TMTC2: variants seen among roughly 807,000 people sequenced by gnomAD.
The protein encoded by TMTC2 is protein O-mannosyl-transferase TMTC2.
In TMTC2, 43 loss-of-function variants were observed where a neutral mutation model predicts 82.4. The ratio of observed to expected loss-of-function variants is 0.52; its 90% CI spans 0.41 to 0.67. The LOEUF (loss-of-function observed/expected upper bound fraction) is 0.67. Ranked by LOEUF, TMTC2 falls within the 30% of genes least tolerant of loss-of-function variation. TMTC2 has a pLI of 0.00. For synonymous variants in TMTC2, 408 were observed against 381.9 expected, an observed-to-expected ratio of 1.07 and a Z score of -0.80; for missense variants, 919 against 1,012.4, an observed-to-expected ratio of 0.91 and a Z score of 1.25.
chr12:83,071,386 T>A (rs1883109378), intron 11 of TMTC2, among the ~76,000 whole-genome samples: 2 of 152,130 alleles, frequency 1.3e-5, no homozygotes, highest in African/African-American at 4.8e-5. Flanking sequence ...CTCAATCTCC[T>A]GACCTCGTGA....
At chr12:82,848,651 A>C (rs1173437595) in intron 1 of TMTC2, among the ~76,000 whole-genome samples, 1 of 152,162 alleles carries the variant, frequency 6.6e-6, no homozygotes, top group African/African-American at 2.4e-5. Flanking sequence ...AATGATTTTC[A>C]ATAGAGACAG....
chr12:83,072,941 T>C (rs1883167532), intron 11 of TMTC2, among the ~76,000 whole-genome samples: 1 of 152,184 alleles, frequency 6.6e-6, no homozygotes, highest in African/African-American at 2.4e-5. Context: ...TTCTTATCCA[T>C]TCTGTGGTTC....
intron 11 of TMTC2, among the ~76,000 whole-genome samples, chr12:83,128,562 G>A (rs915849474): frequency 3.9e-5 from 6 of 152,128 alleles, no homozygotes; most frequent in African/African-American, 1.4e-4. Flanking sequence ...CACAGAAGCT[G>A]TGAAATGATA....
intron 9 of TMTC2, among the ~76,000 whole-genome samples, chr12:83,045,749 A>ACACACACACACACACACC (rs1882092500): frequency 7.2e-6 from 1 of 138,208 alleles, no homozygotes; most frequent in African/African-American, 2.5e-5. Context: ...ACACACACAC[A>ACACACACACACACACACC]CACCAGGAGT....
chr12:83,102,733 C>G (rs1196128370), intron 11 of TMTC2, among the ~76,000 whole-genome samples: 1 of 152,132 alleles, frequency 6.6e-6, no homozygotes, highest in African/African-American at 2.4e-5. Context: ...GTGTCACTTC[C>G]TCTCTTCTCT....
At chr12:82,932,823 T>A (rs1361789531) in intron 4 of TMTC2, among the ~76,000 whole-genome samples, 1 of 152,200 alleles carries the variant, frequency 6.6e-6, no homozygotes, top group Non-Finnish European at 1.5e-5. Context: ...GTTGCCCACC[T>A]CTTTGTGATA....
At chr12:83,108,208 T>G (rs904644821) in intron 11 of TMTC2, among the ~76,000 whole-genome samples, 1 of 152,182 alleles carries the variant, frequency 6.6e-6, no homozygotes, top group Non-Finnish European at 1.5e-5. Flanking sequence ...TAATACGGTC[T>G]TTAAATGAAA....
chr12:82,976,070 C>T (rs977842672), intron 7 of TMTC2, among the ~76,000 whole-genome samples: 5 of 152,160 alleles, frequency 3.3e-5, no homozygotes, highest in African/African-American at 1.2e-4. Context: ...TATGCACACA[C>T]ACCACACTCA....
At chr12:82,690,941 C>A (rs1872546598) in intron 1 of TMTC2, among the ~76,000 whole-genome samples, 1 of 152,022 alleles carries the variant, frequency 6.6e-6, no homozygotes, top group African/African-American at 2.4e-5. Flanking sequence ...TTTTTCTTAT[C>A]CTTTTTAATA....
At chr12:82,849,461 G>A (rs2137103584) in intron 1 of TMTC2, among the ~76,000 whole-genome samples, 1 of 152,202 alleles carries the variant, frequency 6.6e-6, no homozygotes, top group Admixed American at 6.5e-5. Flanking sequence ...TTTTCTCTGA[G>A]GTCCTGAACA....
At chr12:83,030,062 A>G (rs2137421267) in intron 8 of TMTC2, among the ~76,000 whole-genome samples, 1 of 152,188 alleles carries the variant, frequency 6.6e-6, no homozygotes, top group South Asian at 2.1e-4. Context: ...GCCTGTAAAT[A>G]TTTGGCCTGT....
chr12:83,026,120 T>C (rs1400072921), intron 8 of TMTC2, among the ~76,000 whole-genome samples: 1 of 152,150 alleles, frequency 6.6e-6, no homozygotes, highest in African/African-American at 2.4e-5. Context: ...TTTCTAATCA[T>C]GGCTTGATCT....
Position 82,719,076 on chromosome 12 carries a change from TA to T in TMTC2, c.83+31408del, listed in dbSNP as rs1874048955. On this transcript the variant is annotated intron_variant, in intron 1 of 11. Coordinates refer to ENST00000321196, the MANE Select transcript of TMTC2 (RefSeq NM_152588.3). ...AGATGATTTTATATATATATATATA[TA>T]TATATATATTTTTTTTTTTTTTTTT... Among the ~76,000 whole-genome samples the T allele has an allele frequency of 1.3e-3, 96 of 72,588 alleles. No homozygotes were observed. In the Admixed American group the frequency reaches 0.013, roughly 10 times the overall value. 47.6% of individuals were successfully genotyped at this position (72,588 alleles called of 152,430 possible).
intron 1 of TMTC2, among the ~76,000 whole-genome samples, chr12:82,830,725 A>T (rs926855086): frequency 6.6e-5 from 10 of 152,222 alleles, no homozygotes; most frequent in Non-Finnish European, 1.5e-4. Flanking sequence ...GGATTATGGA[A>T]TCTTCATTCA....
intron 1 of TMTC2, among the ~76,000 whole-genome samples, chr12:82,743,855 T>C (rs918128725): frequency 1.3e-5 from 2 of 152,220 alleles, no homozygotes; most frequent in East Asian, 1.9e-4. Context: ...TCGTGACTTA[T>C]CTATTCCAGG....
At chr12:82,783,507 G>A (rs1400160657) in intron 1 of TMTC2, among the ~76,000 whole-genome samples, 3 of 152,046 alleles carry the variant, frequency 2.0e-5, no homozygotes, top group African/African-American at 7.2e-5. Flanking sequence ...CCAGCTGTAA[G>A]ATTCTGATTG....
rs536099445 is a variant in TMTC2 at position 82,933,477 on chromosome 12, ACAGAAGTTAGTCCTTGTT to A, written c.1598+2934_1598+2951del. ...AGATGTACCTAATTTGCTCTGGTGTACAGAAGTTAGTCCTTGTTCTATCTTAACTCCTAAAAGAGAAGG... is the reference window on the plus strand; with the variant it reads ...AGATGTACCTAATTTGCTCTGGTGTACTATCTTAACTCCTAAAAGAGAAGG... On this transcript the variant is annotated intron_variant, in intron 4 of 11. Coordinates refer to ENST00000321196, the MANE Select transcript of TMTC2 (RefSeq NM_152588.3). Among the ~76,000 whole-genome samples, 128 of 152,330 alleles carry A rather than the reference ACAGAAGTTAGTCCTTGTT, an allele frequency of 8.4e-4. 2 individuals are homozygous for A. The East Asian group carries it at 0.024, about 28-fold the overall frequency.
chr12:83,009,784 A>G (rs956361242), intron 8 of TMTC2, among the ~76,000 whole-genome samples: 1 of 152,198 alleles, frequency 6.6e-6, no homozygotes, highest in African/African-American at 2.4e-5. Context: ...GTTTAATGGA[A>G]GACAATGTTT....
chr12:82,837,426 A>G (rs1363438672), intron 1 of TMTC2, among the ~76,000 whole-genome samples: 1 of 152,184 alleles, frequency 6.6e-6, no homozygotes, highest in Non-Finnish European at 1.5e-5. Flanking sequence ...TGGGTAACAT[A>G]ATGAGACCCT....
Sources: gnomAD v4.1 joint callset for allele counts (sites outside exome capture counted in the v4.1 genomes callset) on GRCh38, gnomAD v4.1.1 for gene constraint, MANE v1.5 for transcripts, NCBI Gene and HGNC (gene_info 2026-07-23, HGNC 2026-07-21) for gene names.